ZFYVE9: variants seen among roughly 807,000 people sequenced by gnomAD.
The protein encoded by ZFYVE9 is zinc finger FYVE-type containing 9.
ZFYVE9 carries 43 observed loss-of-function variants against 126.7 expected under a neutral mutation model. The observed-to-expected ratio is 0.34, with a 90% CI of 0.27 to 0.44. The LOEUF (loss-of-function observed/expected upper bound fraction) is 0.44, where lower values mean the gene tolerates loss of function less well. Ranked by LOEUF, ZFYVE9 falls within the 20% of genes least tolerant of loss-of-function variation. The pLI, the probability that ZFYVE9 is intolerant of heterozygous loss-of-function variation, is 1.00. For synonymous variants in ZFYVE9, 521 were observed against 597.4 expected (o/e 0.87, Z 1.87); for missense variants, 1,476 against 1,697.0 (o/e 0.87, Z 2.29).
At chr1:52,291,618 C>T (rs1382628732) in intron 10 of ZFYVE9, among the ~76,000 whole-genome samples, 1 of 152,184 alleles carries the variant, frequency 6.6e-6, no homozygotes, top group Non-Finnish European at 1.5e-5. Flanking sequence ...ATGCTCACAC[C>T]TGTAATCCCA....
At chr1:52,218,645 C>T (rs765931620) in intron 2 of ZFYVE9, among the ~76,000 whole-genome samples, 5 of 152,248 alleles carry the variant, frequency 3.3e-5, no homozygotes, top group South Asian at 2.1e-4. Flanking sequence ...ATTTAGGGTG[C>T]GAATGGAATA....
At chr1:52,182,152 G>T (rs981840800) in intron 1 of ZFYVE9, among the ~76,000 whole-genome samples, 1 of 151,878 alleles carries the variant, frequency 6.6e-6, no homozygotes, top group Admixed American at 6.5e-5. Flanking sequence ...CGCCCGGCCA[G>T]CTGCCCCATC....
chr1:52,208,544 C>T (rs1288168466), intron 1 of ZFYVE9, among the ~76,000 whole-genome samples: 1 of 150,968 alleles, frequency 6.6e-6, no homozygotes, highest in Non-Finnish European at 1.5e-5. Flanking sequence ...TCTTGTTGCC[C>T]AGGCTGGAGT....
chr1:52,170,229 T>G (rs2124523353), intron 1 of ZFYVE9, among the ~76,000 whole-genome samples: 1 of 152,300 alleles, frequency 6.6e-6, no homozygotes, highest in East Asian at 1.9e-4. Context: ...CGATACTTAT[T>G]GACCCATTTA....
chr1:52,342,068 C>T (rs1343528463), intron 17 of ZFYVE9, among the ~76,000 whole-genome samples: 2 of 152,128 alleles, frequency 1.3e-5, no homozygotes, highest in Non-Finnish European at 2.9e-5. Context: ...TGGTTAATGG[C>T]AGAGCAGGGG....
At chr1:52,334,573 T>C in intron 14 of ZFYVE9, 115 bp from the exon 15 acceptor site, 2 of 1,059,212 alleles carry the variant, frequency 1.9e-6, no homozygotes, top group Non-Finnish European at 2.8e-6. Context: ...TTTGATTTTT[T>C]AAAATTTTCT....
intron 1 of ZFYVE9, among the ~76,000 whole-genome samples, chr1:52,173,062 G>A (rs1451910068): frequency 6.6e-6 from 1 of 151,296 alleles, no homozygotes; most frequent in Non-Finnish European, 1.5e-5. Flanking sequence ...GTGAGAGAGG[G>A]CATCCCTGTC....
At chr1:52,306,151 G>A (rs1231300995) in intron 13 of ZFYVE9, among the ~76,000 whole-genome samples, 1 of 152,168 alleles carries the variant, frequency 6.6e-6, no homozygotes, top group East Asian at 1.9e-4. Flanking sequence ...AACTTGGGGT[G>A]CCTTTTCTCA....
At chr1:52,149,041 T>G (rs1378970840) in intron 1 of ZFYVE9, among the ~76,000 whole-genome samples, 4 of 142,858 alleles carry the variant, frequency 2.8e-5, no homozygotes, top group Non-Finnish European at 6.0e-5. Context: ...CTTGGCTCAC[T>G]GTAACCTCCA....
chr1:52,188,982 C>T (rs1035105797), intron 1 of ZFYVE9, among the ~76,000 whole-genome samples: 10 of 151,816 alleles, frequency 6.6e-5, no homozygotes, highest in Middle Eastern at 3.2e-3. Flanking sequence ...TTGTTGCCCA[C>T]GTTGGAGTGC....
chr1:52,232,081 G>A (rs1645228575), intron 2 of ZFYVE9, among the ~76,000 whole-genome samples: 1 of 152,160 alleles, frequency 6.6e-6, no homozygotes, highest in Admixed American at 6.5e-5. Context: ...TTGACTTAAA[G>A]TTTACAAAGA....
chr1:52,144,401 A>G (rs948385389), intron 1 of ZFYVE9, among the ~76,000 whole-genome samples: 1 of 152,036 alleles, frequency 6.6e-6, no homozygotes, highest in Non-Finnish European at 1.5e-5. Flanking sequence ...TGTTATATAT[A>G]TAAGTATTAT....
intron 1 of ZFYVE9, among the ~76,000 whole-genome samples, chr1:52,159,308 C>T (rs929096998): frequency 1.3e-5 from 2 of 152,188 alleles, no homozygotes; most frequent in African/African-American, 4.8e-5. Flanking sequence ...CCCATCTTAG[C>T]TCCTGCTTTC....
intron 1 of ZFYVE9, among the ~76,000 whole-genome samples, chr1:52,146,054 C>CACACACACACACACACAA (rs1349174011): frequency 6.6e-6 from 1 of 151,670 alleles, no homozygotes; most frequent in African/African-American, 2.4e-5. Context: ...CACACACACA[C>CACACACACACACACACAA]ACAAAAGTAA....
At chr1:52,327,081 A>T (rs1646298501) in intron 13 of ZFYVE9, among the ~76,000 whole-genome samples, 1 of 152,004 alleles carries the variant, frequency 6.6e-6, no homozygotes, top group South Asian at 2.1e-4. Context: ...GAATCGCTTG[A>T]ACCCAGGAGG....
chr1:52,303,966 C>A, intron 13 of ZFYVE9, 41 bp downstream of exon 13: 1 of 1,409,606 alleles, frequency 7.1e-7, no homozygotes, highest in Non-Finnish European at 9.7e-7. Flanking sequence ...TAGTTGAAAA[C>A]ATGAGTGAAG....
Position 52,346,201 on chromosome 1 carries a change from A to G in ZFYVE9, c.4258A>G (p.Ile1420Val), listed in dbSNP as rs746762125. 76 of 1,604,400 alleles carry G rather than the reference A, an allele frequency of 4.7e-5. No homozygotes were observed. Among genetic ancestry groups the G allele is most frequent in the Non-Finnish European group, 6.3e-5 (74 of 1,174,920 alleles). The change falls in exon 19 of 19, where the codon ATT becomes GTT. Residue 1420 changes from isoleucine (I) to valine (V), a missense_variant. Ile to Val is a conservative substitution (Grantham distance 29). Coordinates refer to ENST00000287727, the MANE Select transcript of ZFYVE9 (RefSeq NM_004799.4). The part of the protein sequence containing the change: ...GPVVMELIFY[I>V]LENIV ...CGTTGTCATGGAACTCATCTTTTAT[A>G]TTCTGGAAAACATCGTATAAACAGA...
chr1:52,252,834 C>A (rs1160222029), intron 4 of ZFYVE9: 10 of 303,350 alleles, frequency 3.3e-5, no homozygotes, highest in South Asian at 2.9e-4. Flanking sequence ...TTGCGGCCAA[C>A]AATGACACAC....
chr1:52,224,377 A>G (rs1645151091), intron 2 of ZFYVE9, among the ~76,000 whole-genome samples: 2 of 152,154 alleles, frequency 1.3e-5, no homozygotes, highest in Non-Finnish European at 2.9e-5. Flanking sequence ...AAGGTGGTCT[A>G]GAGGATCCCA....
Sources: allele counts gnomAD v4.1 joint callset (sites outside exome capture counted in the v4.1 genomes callset), GRCh38; gene constraint gnomAD v4.1.1; transcripts MANE v1.5; gene names NCBI Gene and HGNC (gene_info 2026-07-23, HGNC 2026-07-21).